Variants in LRRC27 observed in about 807,000 individuals in gnomAD.
The protein encoded by LRRC27 is leucine-rich repeat-containing protein 27.
In LRRC27, 57 loss-of-function variants were observed where a neutral mutation model predicts 55.0. That is an observed-to-expected ratio of 1.04 (90% confidence interval 0.84 to 1.29). The LOEUF (loss-of-function observed/expected upper bound fraction) is 1.29. LRRC27 is among the 50% of genes most tolerant of loss of function. The probability of loss-of-function intolerance (pLI) is 0.00; values close to 1 mark genes in which losing one functional copy is unlikely to be tolerated. For synonymous variants in LRRC27, 278 were observed against 251.9 expected (o/e 1.10, Z -0.98); for missense variants, 721 against 651.5 (o/e 1.11, Z -1.16).
chr10:132,375,303 G>C lies in LRRC27; in HGVS notation c.*61G>C, dbSNP rs937957064. ...CAGGAGCCGCTCAGTCTTCTTTCCC[G>C]GGCGTCGCCTCCTGTGTGGTGCCGG... is the stretch of plus-strand genomic sequence containing the variant. On this transcript the variant is annotated 3_prime_UTR_variant, in exon 11 of 11. Coordinates refer to ENST00000368614, the MANE Select transcript of LRRC27 (RefSeq NM_030626.3). 4 of 1,502,640 alleles carry C rather than the reference G, an allele frequency of 2.7e-6. No individual in the cohort carries two copies. Among genetic ancestry groups the C allele is most frequent in the South Asian group, 2.5e-5 (2 of 80,498 alleles). The allele number at this position is 1,502,640 out of a possible 1,614,324, so 93.1% of individuals were successfully genotyped here.
intron 8 of LRRC27, among the ~76,000 whole-genome samples, chr10:132,360,234 T>TA (rs1451980113): frequency 6.6e-6 from 1 of 152,196 alleles, no homozygotes; most frequent in Admixed American, 6.5e-5. Context: ...TAGCTAGAAC[T>TA]ACAGGCATGC....
rs1425642944 is a variant in LRRC27 at position 132,380,811 on chromosome 10, A to G, written c.*5569A>G. On this transcript the variant is annotated 3_prime_UTR_variant, in exon 11 of 11. Transcript: ENST00000368614. ...GAAAAGTCATGACATTTCAAGAAAA[A>G]GTTGAATTTCTTGATATGTTCCGTA... 1.3e-5 allele frequency among the ~76,000 whole-genome samples: 2 copies of G among 152,246 alleles called. No individual in the cohort carries two copies. Among genetic ancestry groups the G allele is most frequent in the African/African-American group, 4.8e-5 (2 of 41,458 alleles).
At chr10:132,363,167 C>T (rs1396610524) in intron 9 of LRRC27, among the ~76,000 whole-genome samples, 4 of 120,514 alleles carry the variant, frequency 3.3e-5, no homozygotes, top group Non-Finnish European at 7.3e-5. Flanking sequence ...GGCCAGGGTT[C>T]ATGAACCCTC....
chr10:132,353,411 T>TGC (rs1312148609), intron 7 of LRRC27: 1 of 1,027,628 alleles, frequency 9.7e-7, no homozygotes, highest in African/African-American at 1.7e-5. Flanking sequence ...GTTGTGTGTG[T>TGC]GCTGTTTTCT....
In LRRC27 at chr10:132,376,371, A is replaced by G. The variant is rs972796556; in HGVS notation, c.*1129A>G. 6.6e-6 allele frequency: 1 copy of G among 152,220 alleles called. No individual in the cohort carries two copies. The highest frequency in any genetic ancestry group is 1.5e-5 in the Non-Finnish European group (1 of 68,038). 9.4% of individuals were successfully genotyped at this position (152,220 alleles called of 1,614,324 possible). On this transcript the variant is annotated 3_prime_UTR_variant, in exon 11 of 11. Transcript: ENST00000368614. Reference sequence around the variant, plus strand: ...CATCACTTCCAAACCCATGTATTAGAGAAGAAGGGCGTGAAATTTATCACC... The same window carrying G: ...CATCACTTCCAAACCCATGTATTAGGGAAGAAGGGCGTGAAATTTATCACC...
rs1471772856 is a variant in LRRC27 at position 132,376,947 on chromosome 10, A to G, written c.*1705A>G. The stretch of plus-strand genomic sequence containing the variant: ...TTTTTGCTATACGTGTTTTGGGGCT[A>G]TTTTGTCAGATGCCTACAAATTTAG... On this transcript the variant is annotated 3_prime_UTR_variant, in exon 11 of 11. Transcript: ENST00000368614. 1.3e-5 allele frequency: 2 copies of G among 152,168 alleles called. No homozygotes were observed. Among genetic ancestry groups the G allele is most frequent in the Non-Finnish European group, 2.9e-5 (2 of 68,036 alleles). 9.4% of individuals were successfully genotyped at this position (152,168 alleles called of 1,614,324 possible). A position where few individuals can be genotyped will look rare whatever the true frequency, so the allele number is the denominator to read the frequency against.
upstream of LRRC27, chr10:132,332,005 T>G: frequency 1.4e-5 from 4 of 283,370 alleles, no homozygotes; most frequent in African/African-American, 6.2e-5. Flanking sequence ...CCCGACCCCC[T>G]GCCGCGCAGG....
chr10:132,330,177 G>A, upstream of LRRC27: 1 of 447,240 alleles, frequency 2.2e-6, no homozygotes, highest in Non-Finnish European at 4.2e-6. Flanking sequence ...ACAGTAAAGG[G>A]CAAAACATGC....
intron 7 of LRRC27, 86 bp from the exon 8 acceptor site, chr10:132,355,704 C>T (rs529387923): frequency 8.2e-5 from 87 of 1,055,750 alleles, no homozygotes; most frequent in South Asian, 1.5e-4. Flanking sequence ...ACAGGTGCAC[C>T]GCAAGGCTGT....
rs367554199 is a variant in LRRC27, at chr10:132,351,558, G to A, written c.927-49G>A. On this transcript the variant is annotated intron_variant, in intron 6 of 10. Coordinates refer to ENST00000368614, the MANE Select transcript of LRRC27 (RefSeq NM_030626.3). ...CATTTCACATGTTGTATGAATTACC[G>A]TCACAGGGTTTTGTTAAACATTCAG... The A allele has an allele frequency of 8.5e-5, 135 of 1,587,914 alleles. 1 individual carries two copies. In the African/African-American group the frequency reaches 1.2e-3, roughly 14 times the overall value.
intron 9 of LRRC27, 121 bp downstream of exon 9, chr10:132,361,696 C>A: frequency 1.3e-6 from 1 of 752,336 alleles, no homozygotes; most frequent in South Asian, 1.6e-5. Flanking sequence ...CTGTGGCGGG[C>A]CCCAGGCTGT....
chr10:132,342,466 G>C (rs577054951), intron 4 of LRRC27, among the ~76,000 whole-genome samples, 195 bp downstream of exon 4: 1 of 152,184 alleles, frequency 6.6e-6, no homozygotes, highest in African/African-American at 2.4e-5. Context: ...GAGGTGTGAC[G>C]TGTGAGCCTT....
intron 3 of LRRC27, among the ~76,000 whole-genome samples, chr10:132,341,062 G>A (rs950116286): frequency 3.3e-5 from 5 of 152,186 alleles, no homozygotes; most frequent in African/African-American, 4.8e-5. Context: ...TTGAGAGGCT[G>A]AGGCGGGAGG....
chr10:132,342,354 A>C (rs568752231), intron 4 of LRRC27, 83 bp downstream of exon 4: 2 of 877,690 alleles, frequency 2.3e-6, no homozygotes, highest in East Asian at 5.4e-5. Flanking sequence ...ATCAGGCATG[A>C]CAAAGGAGGG....
At chr10:132,364,474 CACCCACCCACACTTA>C (rs2068869542) in intron 9 of LRRC27, among the ~76,000 whole-genome samples, 1 of 109,480 alleles carries the variant, frequency 9.1e-6, no homozygotes, top group African/African-American at 4.8e-5. Flanking sequence ...CCCACACTTA[CACCCACCCACACTTA>C]CACCCACCCT....
chr10:132,344,333 A>C (rs1178046200), intron 4 of LRRC27, among the ~76,000 whole-genome samples, 165 bp from the exon 5 acceptor site: 1 of 152,244 alleles, frequency 6.6e-6, no homozygotes, highest in East Asian at 1.9e-4. Context: ...CGTCTCCTGC[A>C]GAGTTACCTT....
intron 3 of LRRC27, among the ~76,000 whole-genome samples, chr10:132,340,690 G>A (rs1055760830): frequency 6.6e-6 from 1 of 152,034 alleles, no homozygotes; most frequent in Non-Finnish European, 1.5e-5. Context: ...TAATGGCCAG[G>A]CACGGTGGCT....
chr10:132,353,008 G>A lies in LRRC27; in HGVS notation c.1073+1255G>A, dbSNP rs189514840. 4.7e-4 allele frequency: 755 copies of A among 1,606,062 alleles called. 6 individuals carry two copies. The African/African-American group carries it at 9.2e-3, about 19-fold the overall frequency. On this transcript the variant is annotated intron_variant, in intron 7 of 10. Coordinates refer to ENST00000368614, the MANE Select transcript of LRRC27 (RefSeq NM_030626.3). Reference sequence around the variant, plus strand: ...GCGAGGTGTGTTGGCCGATGGACTCGGTGTCCTCAGTGTCTTCTCTGTCCT... The same window carrying A: ...GCGAGGTGTGTTGGCCGATGGACTCAGTGTCCTCAGTGTCTTCTCTGTCCT...
chr10:132,331,936 A>C (rs55712186), upstream of LRRC27: 73,821 of 365,650 alleles, frequency 0.2, 6,142 homozygotes, highest in East Asian at 0.42. Context: ...CGCAAGCGCA[A>C]CCCCCCGCCC....
Sources: allele counts gnomAD v4.1 joint callset (sites outside exome capture counted in the v4.1 genomes callset), GRCh38; gene constraint gnomAD v4.1.1; transcripts MANE v1.5; gene names NCBI Gene and HGNC (gene_info 2026-07-23, HGNC 2026-07-21).